COP1: variants seen among roughly 807,000 people sequenced by gnomAD.
COP1 encodes E3 ubiquitin-protein ligase COP1.
In COP1, 24 loss-of-function variants were observed where a neutral mutation model predicts 101.3. The observed-to-expected ratio is 0.24, with a 90% CI of 0.17 to 0.33. The LOEUF (loss-of-function observed/expected upper bound fraction) is 0.33, where lower values mean the gene tolerates loss of function less well. Among genes scored for constraint, COP1 ranks in the 10% least tolerant of loss-of-function variants. The pLI, the probability that COP1 is intolerant of heterozygous loss-of-function variation, is 1.00. For synonymous variants in COP1, 347 were observed against 341.9 expected, an observed-to-expected ratio of 1.01 and a Z score of -0.17; for missense variants, 663 against 906.2, an observed-to-expected ratio of 0.73 and a Z score of 3.45.
At chr1:175,966,280 T>TATAC (rs1264285232) in intron 18 of COP1, among the ~76,000 whole-genome samples, 2 of 150,166 alleles carry the variant, frequency 1.3e-5, no homozygotes, top group African/African-American at 4.9e-5. Context: ...GTGTTTGCAA[T>TATAC]ACACACACAC....
chr1:176,051,169 A>T (rs1301789739), intron 11 of COP1, among the ~76,000 whole-genome samples: 1 of 152,200 alleles, frequency 6.6e-6, no homozygotes, highest in Non-Finnish European at 1.5e-5. Context: ...GGAATTCAGG[A>T]GGCAATGATT....
Position 175,974,193 on chromosome 1 carries a change from T to C in COP1, c.2133+12750A>G, listed in dbSNP as rs1653954532. ...CTTGAACTAAAGGCAGGTGGTAGAG[T>C]CACAGGGTTGGAAATAAGGATGGAT... On this transcript the variant is annotated intron_variant, in intron 18 of 19. Coordinates refer to ENST00000367669, the MANE Select transcript of COP1 (RefSeq NM_022457.7). Among the ~76,000 whole-genome samples the C allele has an allele frequency of 1.3e-5, 2 of 151,904 alleles. 1 individual carries two copies. The highest frequency in any genetic ancestry group is 4.2e-4 in the South Asian group (2 of 4,816).
chr1:176,057,427 C>A (rs1673758100), intron 11 of COP1, among the ~76,000 whole-genome samples: 1 of 152,194 alleles, frequency 6.6e-6, no homozygotes. Context: ...CTCACTGCAA[C>A]CCCCCTGCCT....
chr1:176,078,109 C>A (rs1429218283), intron 11 of COP1, among the ~76,000 whole-genome samples: 2 of 152,082 alleles, frequency 1.3e-5, no homozygotes, highest in African/African-American at 4.8e-5. Context: ...CCTTAAAATA[C>A]CAACGTCATT....
At chr1:175,990,381 A>G (rs1658104673) in intron 15 of COP1, among the ~76,000 whole-genome samples, 2 of 152,096 alleles carry the variant, frequency 1.3e-5, no homozygotes, top group Non-Finnish European at 2.9e-5. Context: ...TTTTAAATTT[A>G]TTGACTTATT....
chr1:176,186,340 T>C (rs1440850366), intron 1 of COP1, among the ~76,000 whole-genome samples: 1 of 148,164 alleles, frequency 6.7e-6, no homozygotes, highest in African/African-American at 2.5e-5. Context: ...ACCTCATCTC[T>C]ACAAAAAAAA....
intron 11 of COP1, among the ~76,000 whole-genome samples, chr1:176,057,850 G>C (rs193281655): frequency 0.051 from 7,807 of 151,696 alleles, 453 homozygotes; most frequent in South Asian, 0.14. Context: ...GGGAAGTAAG[G>C]AGCGCCTCTT....
intron 1 of COP1, among the ~76,000 whole-genome samples, chr1:176,197,418 G>A (rs1401243101): frequency 6.6e-6 from 1 of 151,740 alleles, no homozygotes; most frequent in Non-Finnish European, 1.5e-5. Flanking sequence ...CACCTCTTTT[G>A]AAAAAAAGAA....
intron 15 of COP1, among the ~76,000 whole-genome samples, chr1:176,004,533 C>A (rs1481305300): frequency 2.0e-5 from 3 of 151,728 alleles, no homozygotes; most frequent in Admixed American, 6.6e-5. Context: ...CCCATCAATA[C>A]CTAATTTATT....
Position 176,188,221 on chromosome 1 carries a change from G to T in COP1, c.408-3529C>A, listed in dbSNP as rs565193369. Among the ~76,000 whole-genome samples, 19 of 152,182 alleles carry T rather than the reference G, an allele frequency of 1.2e-4. No homozygotes were observed. The South Asian group carries it at 3.9e-3, about 32-fold the overall frequency. ...GCACAGACTACAATACTTAGGAAGAGTACTATCCACCCAAGCCAAAAACTT... is the reference window on the plus strand; with the variant it reads ...GCACAGACTACAATACTTAGGAAGATTACTATCCACCCAAGCCAAAAACTT... On this transcript the variant is annotated intron_variant, in intron 1 of 19. Coordinates refer to ENST00000367669, the MANE Select transcript of COP1 (RefSeq NM_022457.7).
intron 9 of COP1, among the ~76,000 whole-genome samples, chr1:176,111,973 T>TTA (rs1380027400): frequency 6.6e-6 from 1 of 152,242 alleles, no homozygotes; most frequent in Non-Finnish European, 1.5e-5. Context: ...GGCAGACCTG[T>TTA]TATTTAATCC....
At chr1:176,014,623 A>T (rs531233456) in intron 15 of COP1, among the ~76,000 whole-genome samples, 2 of 152,266 alleles carry the variant, frequency 1.3e-5, no homozygotes, top group South Asian at 4.1e-4. Flanking sequence ...CCTAAATGAA[A>T]CTTCACCTTA....
In COP1 at chr1:175,948,378, C is replaced by T. The variant is rs76208718; in HGVS notation, c.2134-1139G>A. ...GACTTAAAATGTCATAGAGGTCAGGCCAGGTGGCAGAGAGAAAAACGAAGT... is the reference window on the plus strand; with the variant it reads ...GACTTAAAATGTCATAGAGGTCAGGTCAGGTGGCAGAGAGAAAAACGAAGT... On this transcript the variant is annotated intron_variant, in intron 18 of 19. Coordinates refer to ENST00000367669, the MANE Select transcript of COP1 (RefSeq NM_022457.7). Among the ~76,000 whole-genome samples, 138 of 152,190 alleles carry T rather than the reference C, an allele frequency of 9.1e-4. No individual in the cohort carries two copies. The East Asian group carries it at 0.025, about 28-fold the overall frequency.
chr1:176,144,895 A>G (rs751946911), intron 6 of COP1, among the ~76,000 whole-genome samples: 5 of 152,154 alleles, frequency 3.3e-5, no homozygotes, highest in Non-Finnish European at 7.4e-5. Context: ...TATGAAAGAT[A>G]AAAGAATAAA....
At position 175,947,141 on chromosome 1, in the gene COP1, T is replaced by C. The variant is rs1649278143; in HGVS notation, c.2178+54A>G. 10 of 1,185,364 alleles carry C rather than the reference T, an allele frequency of 8.4e-6. No homozygotes were observed. In the South Asian group the frequency reaches 9.8e-5, roughly 12 times the overall value. 73.4% of individuals were successfully genotyped at this position (1,185,364 alleles called of 1,614,324 possible). ...ACAATGGTGTATTTCTATAATCCTGTTTCAGTCTAAAAATGGGCCTGAGTT... is the reference window on the plus strand; with the variant it reads ...ACAATGGTGTATTTCTATAATCCTGCTTCAGTCTAAAAATGGGCCTGAGTT... On this transcript the variant is annotated intron_variant, in intron 19 of 19. Coordinates refer to ENST00000367669, the MANE Select transcript of COP1 (RefSeq NM_022457.7).
chr1:176,043,172 G>C lies in COP1; in HGVS notation c.1612+14C>G. The C allele has an allele frequency of 1.3e-6, 2 of 1,563,504 alleles. No homozygotes were observed. The highest frequency in any genetic ancestry group is 2.7e-5 in the African/African-American group (2 of 73,898). ...AGGGAGAAGGAGGTGCTGAGAAAGA[G>C]ATTCAAACAGTACCTTTTGCATCAT... is the stretch of plus-strand genomic sequence containing the variant. On this transcript the variant is annotated intron_variant, in intron 14 of 19. Coordinates refer to ENST00000367669, the MANE Select transcript of COP1 (RefSeq NM_022457.7).
chr1:176,044,250 C>T (rs1056530228), intron 12 of COP1, among the ~76,000 whole-genome samples: 1 of 152,158 alleles, frequency 6.6e-6, no homozygotes, highest in African/African-American at 2.4e-5. Flanking sequence ...AATTGGGTTT[C>T]TGTATTTACA....
chr1:176,024,380 CA>C (rs1447772278), intron 15 of COP1, among the ~76,000 whole-genome samples: 5 of 152,082 alleles, frequency 3.3e-5, no homozygotes, highest in African/African-American at 1.2e-4. Context: ...TATGGGACAT[CA>C]ACCTCACAAT....
At chr1:176,151,411 A>AAGAAAGAG (rs1252858983) in intron 5 of COP1, among the ~76,000 whole-genome samples, 1 of 144,518 alleles carries the variant, frequency 6.9e-6, no homozygotes, top group Non-Finnish European at 1.5e-5. Context: ...GAAAGAAAGA[A>AAGAAAGAG]AGAAAGAAAC....
Sources: gnomAD v4.1 joint callset for allele counts (sites outside exome capture counted in the v4.1 genomes callset) on GRCh38, gnomAD v4.1.1 for gene constraint, MANE v1.5 for transcripts, NCBI Gene and HGNC (gene_info 2026-07-23, HGNC 2026-07-21) for gene names.